The following ZBTB44 variants were observed in gnomAD, a reference collection of about 807,000 sequenced individuals.
ZBTB44 encodes zinc finger and BTB domain-containing protein 44.
Under a neutral mutation model 54.0 loss-of-function variants are expected in ZBTB44, and 15 were observed. The observed-to-expected ratio is 0.28, with a 90% confidence interval of 0.19 to 0.43. The LOEUF is 0.43. ZBTB44 is among the 20% of genes least tolerant of loss of function. ZBTB44 has a pLI of 1.00. For missense variants in ZBTB44, 487 were observed against 707.1 expected, an observed-to-expected ratio of 0.69 and a Z score of 3.53; for synonymous variants, 230 against 250.1, an observed-to-expected ratio of 0.92 and a Z score of 0.76.
intron 1 of ZBTB44, among the ~76,000 whole-genome samples, chr11:130,273,079 CA>C (rs926761427): frequency 3.3e-5 from 5 of 152,138 alleles, no homozygotes; most frequent in African/African-American, 1.2e-4. Flanking sequence ...TCAATCTTTA[CA>C]AAGTCAGCAA....
At chr11:130,295,923 T>C in intron 1 of ZBTB44, 1 of 1,519,760 alleles carries the variant, frequency 6.6e-7, no homozygotes, top group Middle Eastern at 2.4e-4. Context: ...GTAACGGATC[T>C]GCTGAAGCAC....
intron 1 of ZBTB44, among the ~76,000 whole-genome samples, chr11:130,297,536 T>C: frequency 6.6e-6 from 1 of 152,196 alleles, no homozygotes; most frequent in Non-Finnish European, 1.5e-5. Flanking sequence ...TGGGACCTTA[T>C]TTGGAAATGG....
At chr11:130,296,315 G>A (rs1941639662) in intron 1 of ZBTB44, 1 of 1,517,292 alleles carries the variant, frequency 6.6e-7, no homozygotes, top group Non-Finnish European at 8.9e-7. Context: ...TCCTTAAGAA[G>A]AACCGAAAGA....
intron 1 of ZBTB44, among the ~76,000 whole-genome samples, chr11:130,284,617 CCA>C (rs1940796247): frequency 1.3e-5 from 2 of 152,114 alleles, no homozygotes; most frequent in African/African-American, 4.8e-5. Context: ...CCCTGTAATT[CCA>C]GCACTTTGGG....
chr11:130,254,201 A>C lies in ZBTB44; in HGVS notation c.1018+6655T>G, dbSNP rs1362111166. 2.0e-5 allele frequency among the ~76,000 whole-genome samples: 3 copies of C among 152,234 alleles called. No homozygotes were observed. In the East Asian group the frequency reaches 5.8e-4, roughly 29 times the overall value. ...AAACACCAAAAGCAATGGCAACAAA[A>C]GCCAAAATTGACAAATGGGATCTAA... On this transcript the variant is annotated intron_variant, in intron 2 of 7. Transcript: ENST00000357899.
intron 1 of ZBTB44, among the ~76,000 whole-genome samples, chr11:130,268,731 A>T (rs1451501316): frequency 6.6e-6 from 1 of 151,804 alleles, no homozygotes; most frequent in South Asian, 2.1e-4. Context: ...GTCGCCAGAC[A>T]CTACACCTGG....
chr11:130,274,602 T>C (rs1939921556), intron 1 of ZBTB44, among the ~76,000 whole-genome samples: 2 of 152,228 alleles, frequency 1.3e-5, no homozygotes, highest in Admixed American at 6.5e-5. Flanking sequence ...TTTTTCTGCA[T>C]CTATTGATAT....
chr11:130,258,779 T>C (rs1225133331), intron 2 of ZBTB44, among the ~76,000 whole-genome samples: 1 of 152,188 alleles, frequency 6.6e-6, no homozygotes, highest in Non-Finnish European at 1.5e-5. Context: ...GAAGATGAAA[T>C]GAGCATCTTA....
rs1211082880 is a variant in ZBTB44, at chr11:130,226,792, C to CCTAA, written c.*4968_*4971dup. The CCTAA allele has an allele frequency of 6.6e-6, 1 of 152,120 alleles. No homozygotes were observed. The highest frequency in any genetic ancestry group is 2.4e-5 in the African/African-American group (1 of 41,430). The allele number at this position is 152,120 out of a possible 1,614,324, so 9.4% of individuals were successfully genotyped here. ...CTAGTTTTTCCCTGCCCATCCCTTT[C>CCTAA]CTAACTGCAACTTTATGTGTGACCA... On this transcript the variant is annotated 3_prime_UTR_variant, in exon 8 of 8. Coordinates refer to ENST00000357899, the MANE Select transcript of ZBTB44 (RefSeq NM_001301098.2).
rs1938890801 is a variant in ZBTB44 at position 130,261,947 on chromosome 11, TA to T, written c.-56-19del. 1 of 1,421,306 alleles carries T rather than the reference TA, an allele frequency of 7.0e-7. No individual in the cohort carries two copies. Among genetic ancestry groups the T allele is most frequent in the Non-Finnish European group, 9.3e-7 (1 of 1,075,676 alleles). 88.0% of individuals were successfully genotyped at this position (1,421,306 alleles called of 1,614,324 possible). On this transcript the variant is annotated intron_variant, in intron 1 of 7. Transcript: ENST00000357899. This position sits in a 1 kb window ranked among gnomAD's most constrained non-coding sequence, Gnocchi z 4.8. ...GAAATGTCCTAAAAAATACATAAAA[TA>T]AAGCATTAATTGATATTTTAGTGGT...
At chr11:130,237,840 C>A (rs1164747093) in intron 4 of ZBTB44, among the ~76,000 whole-genome samples, 1 of 152,150 alleles carries the variant, frequency 6.6e-6, no homozygotes, top group Non-Finnish European at 1.5e-5. Context: ...ATCTCTTACT[C>A]GTCAGAGGTC....
chr11:130,236,251 A>G (rs1565642885), intron 5 of ZBTB44: 1 of 1,276,292 alleles, frequency 7.8e-7, no homozygotes, highest in Non-Finnish European at 1.0e-6. Context: ...TTATAAATTA[A>G]TATTACAAGA....
intron 1 of ZBTB44, among the ~76,000 whole-genome samples, chr11:130,279,999 C>G (rs1940390562): frequency 1.3e-5 from 2 of 152,150 alleles, no homozygotes; most frequent in African/African-American, 4.8e-5. Context: ...GCTCTAGGAG[C>G]TGAGTACTTG....
chr11:130,284,803 T>G (rs1039211820), intron 1 of ZBTB44, among the ~76,000 whole-genome samples: 1 of 151,936 alleles, frequency 6.6e-6, no homozygotes, highest in African/African-American at 2.4e-5. Context: ...GAGGTAGAGG[T>G]TGCAGTGAGC....
At chr11:130,305,820 T>G (rs1030785865) in intron 1 of ZBTB44, among the ~76,000 whole-genome samples, 2 of 151,996 alleles carry the variant, frequency 1.3e-5, no homozygotes, top group African/African-American at 4.8e-5. Context: ...CAACCCAAAG[T>G]GGTAGAAAAT....
At chr11:130,242,860 T>C (rs562612000) in intron 2 of ZBTB44, among the ~76,000 whole-genome samples, 23 of 152,330 alleles carry the variant, frequency 1.5e-4, no homozygotes, top group African/African-American at 4.8e-4. Context: ...AGAGCTTCCA[T>C]CAAACCTACA....
chr11:130,298,651 C>T (rs915512725), intron 1 of ZBTB44, among the ~76,000 whole-genome samples: 2 of 151,324 alleles, frequency 1.3e-5, no homozygotes, highest in African/African-American at 4.9e-5. Flanking sequence ...TTAGTAGAGA[C>T]GGAGTTTCAC....
chr11:130,266,341 G>A, intron 1 of ZBTB44, among the ~76,000 whole-genome samples: 1 of 152,198 alleles, frequency 6.6e-6, no homozygotes, highest in Non-Finnish European at 1.5e-5. Context: ...TTCCAACAGT[G>A]CATCTGGTCA....
In ZBTB44 at chr11:130,238,199, T is replaced by C. The variant is rs191823279; in HGVS notation, c.1267+245A>G. Among the ~76,000 whole-genome samples, 264 of 152,292 alleles carry C rather than the reference T, an allele frequency of 1.7e-3. 1 individual carries two copies. Among genetic ancestry groups the C allele is most frequent in the Admixed American group, 5.6e-3 (86 of 15,304 alleles). On this transcript the variant is annotated intron_variant, in intron 4 of 7. Transcript: ENST00000357899. ...CTCTATGTGCACACCTAATATGTCT[T>C]TTTATTTACAAAGTACTCACTCCAT...
Sources: gnomAD v4.1 joint callset for allele counts (sites outside exome capture counted in the v4.1 genomes callset) on GRCh38, gnomAD v4.1.1 for gene constraint, Gnocchi (gnomAD v3.1) non-coding constraint, MANE v1.5 for transcripts, NCBI Gene and HGNC (gene_info 2026-07-23, HGNC 2026-07-21) for gene names.